CD177: variants seen among roughly 807,000 people sequenced by gnomAD.
The protein encoded by CD177 is CD177 molecule.
Under a neutral mutation model 38.1 loss-of-function variants are expected in CD177, and 41 were observed. The observed-to-expected ratio is 1.07, with a 90% CI of 0.84 to 1.39. The LOEUF (loss-of-function observed/expected upper bound fraction) is 1.39, where lower values mean the gene tolerates loss of function less well. Ranked by LOEUF, CD177 falls within the 40% of genes most tolerant of loss-of-function variation. The pLI is 0.00. For synonymous variants in CD177, 236 were observed against 216.7 expected, an observed-to-expected ratio of 1.09 and a Z score of -0.78; for missense variants, 619 against 523.8, an observed-to-expected ratio of 1.18 and a Z score of -1.77.
rs370548435 is a variant in CD177, at chr19:43,362,325, A to G, written c.*5A>G. 2.4e-4 allele frequency: 335 copies of G among 1,375,248 alleles called. No individual in the cohort carries two copies. In the African/African-American group the frequency reaches 4.2e-3, roughly 17 times the overall value. The allele number at this position is 1,375,248 out of a possible 1,614,324, so 85.2% of individuals were successfully genotyped here. ...GTGGTTTGCCCTTCCTGCTAACTCT[A>G]TTACCCCCACGATTCTTCACCGCTG... On this transcript the variant is annotated 3_prime_UTR_variant, in exon 9 of 9. Transcript: ENST00000618265.
At chr19:43,363,216 T>C (rs1969999241), downstream of CD177, 1 of 152,240 alleles carries the variant, frequency 6.6e-6, no homozygotes, top group South Asian at 2.1e-4. Flanking sequence ...AACGTTGCTA[T>C]GTAGCATCTG....
intron 3 of CD177, 65 bp from the exon 4 acceptor site, chr19:43,355,596 A>G (rs1483428912): frequency 6.2e-7 from 1 of 1,603,006 alleles, no homozygotes; most frequent in Non-Finnish European, 8.5e-7. Context: ...TGGGGTGCAG[A>G]GAAGGTATCT....
Position 43,362,219 on chromosome 19 carries a change from C to A in CD177, c.1213C>A (p.His405Asn), listed in dbSNP as rs1365741735. The A allele has an allele frequency of 6.2e-7, 1 of 1,608,264 alleles. No individual in the cohort carries two copies. Among genetic ancestry groups the A allele is most frequent in the Non-Finnish European group, 8.5e-7 (1 of 1,176,612 alleles). ...KRDVQPPASQ[H>N]EGGGAEGLES... ...TGATGTGCAGCCTCCTGCCTCTCAGCATGAGGGAGGTGGGGCTGAGGGCCT... is the reference window on the plus strand; with the variant it reads ...TGATGTGCAGCCTCCTGCCTCTCAGAATGAGGGAGGTGGGGCTGAGGGCCT... The change falls in exon 9 of 9, where the codon CAT becomes AAT. Residue 405 changes from histidine (H) to asparagine (N), a missense_variant. Coordinates refer to ENST00000618265, the MANE Select transcript of CD177 (RefSeq NM_020406.4).
Position 43,361,307 on chromosome 19 carries a change from C to T in CD177, c.925C>T (p.Leu309=), listed in dbSNP as rs1163899785. The change falls in exon 7 of 9, where the codon CTG becomes TTG. Residue 309 remains leucine (L), a synonymous_variant. Transcript: ENST00000618265. The part of the protein sequence containing the change: ...CNSASSSSVL[L]NSLPPQAAPV... The stretch of plus-strand genomic sequence containing the variant: ...TAGTGCCAGCAGCAGCAGCGTTCTG[C>T]TGAACTCCCTCCCTCCTCAAGGTAT... 78 of 1,544,112 alleles carry T rather than the reference C, an allele frequency of 5.1e-5. No homozygotes were observed. Among genetic ancestry groups the T allele is most frequent in the Non-Finnish European group, 6.8e-5 (77 of 1,124,094 alleles).
In CD177 at chr19:43,360,423, G is replaced by A. The variant is rs776475080; in HGVS notation, c.760+18G>A. The A allele has an allele frequency of 4.4e-6, 7 of 1,575,660 alleles. No homozygotes were observed. Among genetic ancestry groups the A allele is most frequent in the Non-Finnish European group, 6.0e-6 (7 of 1,160,514 alleles). On this transcript the variant is annotated intron_variant, in intron 6 of 8. Coordinates refer to ENST00000618265, the MANE Select transcript of CD177 (RefSeq NM_020406.4). The stretch of plus-strand genomic sequence containing the variant: ...AGATGTAGGTACGTGGACTGAGGTA[G>A]AAGACGAACACCTGTCCCAAGTCCC...
rs1488250908 is a variant in CD177, at chr19:43,362,349, T to A, written c.*29T>A. 1 of 1,067,468 alleles carries A rather than the reference T, an allele frequency of 9.4e-7. No individual in the cohort carries two copies. Among genetic ancestry groups the A allele is most frequent in the Non-Finnish European group, 1.4e-6 (1 of 728,160 alleles). The allele number at this position is 1,067,468 out of a possible 1,614,324, so 66.1% of individuals were successfully genotyped here. ...TATTACCCCCACGATTCTTCACCGC[T>A]GCTGACCACCCACACTCAACCTCCC... On this transcript the variant is annotated 3_prime_UTR_variant, in exon 9 of 9. Transcript: ENST00000618265.
intron 8 of CD177, among the ~76,000 whole-genome samples, 188 bp downstream of exon 8, chr19:43,361,767 G>T (rs1330694411): frequency 1.3e-5 from 2 of 148,220 alleles, no homozygotes; most frequent in Non-Finnish European, 3.0e-5. Context: ...GGCGCTGGGG[G>T]CCTGGGCTCC....
chr19:43,364,270 G>C (rs1483753751), downstream of CD177, among the ~76,000 whole-genome samples: 1 of 152,186 alleles, frequency 6.6e-6, no homozygotes, highest in Admixed American at 6.5e-5. Context: ...TGAGGTCCTG[G>C]GGGCGGGGCT....
Position 43,353,931 on chromosome 19 carries a change from C to T in CD177, c.131C>T (p.Pro44Leu), listed in dbSNP as rs1969880066. Residue 44 changes from proline to leucine, a missense_variant, in exon 2 of 9, where the codon CCT becomes CTT. Pro to Leu is a moderately conservative substitution (Grantham distance 98). Transcript: ENST00000618265. ...TCCGACCTGCCCCGGCAATGGACCC[C>T]TAAGAACACCAGCTGCGACAGCGGC... Reference protein sequence around the residue: ...KVSDLPRQWTPKNTSCDSGLG... With the variant: ...KVSDLPRQWTLKNTSCDSGLG... 1.2e-6 allele frequency: 2 copies of T among 1,613,782 alleles called. No homozygotes were observed. The highest frequency in any genetic ancestry group is 2.2e-5 in the South Asian group (2 of 91,088).
In CD177 at chr19:43,362,711, C is replaced by T. The variant is rs1250736019; in HGVS notation, c.*391C>T. 3 of 157,202 alleles carry T rather than the reference C, an allele frequency of 1.9e-5. No homozygotes were observed. The highest frequency in any genetic ancestry group is 7.2e-5 in the African/African-American group (3 of 41,610). 9.7% of individuals were successfully genotyped at this position (157,202 alleles called of 1,614,324 possible). A position where few individuals can be genotyped will look rare whatever the true frequency, so the allele number is the denominator to read the frequency against. On this transcript the variant is annotated 3_prime_UTR_variant, in exon 9 of 9. Coordinates refer to ENST00000618265, the MANE Select transcript of CD177 (RefSeq NM_020406.4). ...ATTGGTCTGGTTCACGTCTCCAAAC[C>T]AGCTTGGATGGTAGCAGAGACTTCA... is the stretch of plus-strand genomic sequence containing the variant.
At position 43,354,244 on chromosome 19, in the gene CD177, G is replaced by A. The variant is rs764048317; in HGVS notation, c.231G>A (p.Thr77=). The A allele has an allele frequency of 1.2e-6, 2 of 1,613,650 alleles. No individual in the cohort carries two copies. Among genetic ancestry groups the A allele is most frequent in the South Asian group, 1.1e-5 (1 of 91,048 alleles). Residue 77 remains threonine, a synonymous_variant, in exon 3 of 9, where the codon ACG becomes ACA. Transcript: ENST00000618265. The part of the protein sequence containing the change: ...QVSLVLSKGC[T]EAKDQEPRVT... ...GCCTGGTGCTCTCCAAGGGCTGCACGGAGGCCAAGGACCAGGAGCCCCGCG... is the reference window on the plus strand; with the variant it reads ...GCCTGGTGCTCTCCAAGGGCTGCACAGAGGCCAAGGACCAGGAGCCCCGCG...
rs369605415 is a variant in CD177 at position 43,360,305 on chromosome 19, C to T, written c.660C>T (p.His220=). 4.7e-5 allele frequency: 76 copies of T among 1,612,566 alleles called. No homozygotes were observed. The highest frequency in any genetic ancestry group is 5.8e-5 in the Non-Finnish European group (68 of 1,179,262). ...ATCGGGGGACCACCATTATGACACACGGAAACTTGGCTCAAGAACCCACTG... is the reference window on the plus strand; with the variant it reads ...ATCGGGGGACCACCATTATGACACATGGAAACTTGGCTCAAGAACCCACTG... ...TCHRGTTIMT[H]GNLAQEPTDW... The change falls in exon 6 of 9, where the codon CAC becomes CAT. Residue 220 remains histidine (H), a synonymous_variant. Coordinates refer to ENST00000618265, the MANE Select transcript of CD177 (RefSeq NM_020406.4).
At chr19:43,361,906 G>T (rs1275072332) in intron 8 of CD177, among the ~76,000 whole-genome samples, 182 bp from the exon 9 acceptor site, 5 of 147,546 alleles carry the variant, frequency 3.4e-5, no homozygotes, top group South Asian at 4.2e-4. Flanking sequence ...GGGACTGGGG[G>T]CCTGGACTCC....
At position 43,354,214 on chromosome 19, in the gene CD177, A is replaced by G. The variant is rs767946750; in HGVS notation, c.201A>G (p.Gln67=). ...CTCCCTCTTTCGGTCCAGGACCCCAAGTGAGCCTGGTGCTCTCCAAGGGCT... is the reference window on the plus strand; with the variant it reads ...CTCCCTCTTTCGGTCCAGGACCCCAGGTGAGCCTGGTGCTCTCCAAGGGCT... ...DTLMLIESGP[Q]VSLVLSKGCT... is the part of the protein sequence containing the mutation. Residue 67 remains glutamine (Q), a synonymous_variant, in exon 3 of 9, where the codon CAA becomes CAG. Transcript: ENST00000618265. 3.7e-6 allele frequency: 6 copies of G among 1,612,650 alleles called. No individual in the cohort carries two copies. Among genetic ancestry groups the G allele is most frequent in the African/African-American group, 2.7e-5 (2 of 74,798 alleles).
At chr19:43,355,032 C>T (rs1345771633) in intron 3 of CD177, among the ~76,000 whole-genome samples, 10 of 147,774 alleles carry the variant, frequency 6.8e-5, no homozygotes, top group Non-Finnish European at 1.5e-4. Context: ...CATTTGGCCT[C>T]AGCAGGCCCC....
chr19:43,360,937 C>G (rs62114799), intron 6 of CD177: 1 of 608,146 alleles, frequency 1.6e-6, no homozygotes, highest in Non-Finnish European at 3.0e-6. Flanking sequence ...GACCTTTGAG[C>G]GAGAACTGGG....
intron 3 of CD177, among the ~76,000 whole-genome samples, chr19:43,354,794 G>C (rs893518717): frequency 4.6e-5 from 7 of 151,994 alleles, no homozygotes; most frequent in African/African-American, 1.5e-4. Context: ...CACTTTCCTT[G>C]TCTGGTGTTA....
rs1234240486 is a variant in CD177 at position 43,353,706 on chromosome 19, A to G, written c.-9A>G. On this transcript the variant is annotated 5_prime_UTR_variant, in exon 1 of 9. Transcript: ENST00000618265. ...AAAGCAGAAAGAGATTACCAGCCAC[A>G]GACGGGTCATGAGCGCGGTATTACT... The G allele has an allele frequency of 6.2e-7, 1 of 1,613,888 alleles. No individual in the cohort carries two copies.
chr19:43,354,195 C>G lies in CD177; in HGVS notation c.194-12C>G, dbSNP rs1328596897. The G allele has an allele frequency of 6.2e-7, 1 of 1,609,390 alleles. No homozygotes were observed. The highest frequency in any genetic ancestry group is 8.5e-7 in the Non-Finnish European group (1 of 1,178,010). ...GACCTCCATCCTCGCTTGCCTCCCT[C>G]TTTCGGTCCAGGACCCCAAGTGAGC... is the stretch of plus-strand genomic sequence containing the variant. On this transcript the variant is annotated splice_polypyrimidine_tract_variant and intron_variant, in intron 2 of 8. Transcript: ENST00000618265.
Sources: allele counts gnomAD v4.1 joint callset (sites outside exome capture counted in the v4.1 genomes callset), GRCh38; gene constraint gnomAD v4.1.1; transcripts MANE v1.5; gene names NCBI Gene and HGNC (gene_info 2026-07-23, HGNC 2026-07-21).